Variants in RECK observed in about 807,000 individuals in gnomAD.
RECK encodes reversion inducing cysteine rich protein with kazal motifs.
RECK carries 69 observed loss-of-function variants against 115.1 expected under a neutral mutation model. The observed-to-expected ratio is 0.60, with a 90% CI of 0.49 to 0.73. RECK has a LOEUF of 0.73. RECK is among the 30% of genes least tolerant of loss of function. The probability of loss-of-function intolerance (pLI) is 0.00; values close to 1 mark genes in which losing one functional copy is unlikely to be tolerated. For synonymous variants in RECK, 414 were observed against 419.7 expected (o/e 0.99, Z 0.17); for missense variants, 1,047 against 1,203.7 (o/e 0.87, Z 1.93).
chr9:36,043,010 C>CTTTTTTTTTTTTT lies in RECK; in HGVS notation c.100+5930_100+5942dup, dbSNP rs61673918. On this transcript the variant is annotated intron_variant, in intron 1 of 20. Transcript: ENST00000377966. Reference sequence around the variant, plus strand: ...ACTGTCTATTCATGTCCTTAGCCCACTTTTTTTTTTTTTTTTTTTTTTTTT... The same window carrying CTTTTTTTTTTTTT: ...ACTGTCTATTCATGTCCTTAGCCCACTTTTTTTTTTTTTTTTTTTTTTTTTTTTTTTTTTTTTT... Among the ~76,000 whole-genome samples the CTTTTTTTTTTTTT allele has an allele frequency of 2.0e-4, 12 of 59,462 alleles. 3 individuals carry two copies. The highest frequency in any genetic ancestry group is 6.7e-4 in the East Asian group (1 of 1,482). 39.0% of individuals were successfully genotyped at this position (59,462 alleles called of 152,430 possible). A position where few individuals can be genotyped will look rare whatever the true frequency, so the allele number is the denominator to read the frequency against.
At chr9:36,104,308 A>G (rs1564130772) in intron 12 of RECK, among the ~76,000 whole-genome samples, 20 of 57,426 alleles carry the variant, frequency 3.5e-4, no homozygotes, top group South Asian at 6.6e-4. Flanking sequence ...ATATATATAT[A>G]TATATATATA....
At chr9:36,080,659 T>C (rs918545709) in intron 7 of RECK, 21 bp downstream of exon 7, 2 of 1,606,124 alleles carry the variant, frequency 1.2e-6, no homozygotes, top group Non-Finnish European at 1.7e-6. Context: ...TTGTCAATGG[T>C]TGTACAAACA....
chr9:36,086,977 C>T (rs1021682718), intron 8 of RECK, among the ~76,000 whole-genome samples: 4 of 152,056 alleles, frequency 2.6e-5, no homozygotes, highest in Admixed American at 1.3e-4. Flanking sequence ...GCTAAAGATC[C>T]CATGATTGGA....
rs370592502 is a variant in RECK at position 36,092,257 on chromosome 9, GC to G, written c.1085+915del. Among the ~76,000 whole-genome samples the G allele has an allele frequency of 2.6e-4, 40 of 152,242 alleles. No individual in the cohort carries two copies. In the East Asian group the frequency reaches 2.7e-3, roughly 10 times the overall value. On this transcript the variant is annotated intron_variant, in intron 10 of 20. Transcript: ENST00000377966. Reference sequence around the variant, plus strand: ...TCTGGCTTCTGGTAATTGTGGAGTAGCTTGTATGAGAATAACAGTCCTACCA... The same window carrying G: ...TCTGGCTTCTGGTAATTGTGGAGTAGTTGTATGAGAATAACAGTCCTACCA...
chr9:36,108,218 T>A, intron 14 of RECK, 54 bp downstream of exon 14: 2 of 1,319,742 alleles, frequency 1.5e-6, no homozygotes, highest in South Asian at 1.4e-5. Context: ...ATTTTTACTT[T>A]GTAGGAAGAA....
intron 1 of RECK, among the ~76,000 whole-genome samples, chr9:36,037,925 C>T (rs1302677491): frequency 6.8e-6 from 1 of 146,394 alleles, no homozygotes; most frequent in African/African-American, 2.5e-5. Context: ...CTGTACTAGA[C>T]ATTGAAAGAT....
intron 6 of RECK, chr9:36,066,640 A>C: frequency 2.7e-6 from 1 of 366,458 alleles, no homozygotes; most frequent in Non-Finnish European, 4.6e-6. Context: ...CAGAGAAGTA[A>C]AAGATCTTTA....
Position 36,105,127 on chromosome 9 carries a change from G to T in RECK, c.1436-16G>T, listed in dbSNP as rs764769318. On this transcript the variant is annotated splice_polypyrimidine_tract_variant and intron_variant, in intron 12 of 20. Coordinates refer to ENST00000377966, the MANE Select transcript of RECK (RefSeq NM_021111.3). ...TCTTTTAGGTTGGTTAAACTAATCT[G>T]TTTTGGTTTTTTCAGGGCCAAGTAC... is the stretch of plus-strand genomic sequence containing the variant. 2.5e-6 allele frequency: 4 copies of T among 1,611,608 alleles called. No individual in the cohort carries two copies. The highest frequency in any genetic ancestry group is 3.4e-6 in the Non-Finnish European group (4 of 1,178,220).
chr9:36,058,995 T>G (rs1821652096), intron 3 of RECK, 94 bp downstream of exon 3: 1 of 728,246 alleles, frequency 1.4e-6, no homozygotes, highest in Non-Finnish European at 2.1e-6. Flanking sequence ...TAAATGTGAT[T>G]GGAATTTGTG....
chr9:36,061,629 T>C (rs1254145283), intron 4 of RECK, among the ~76,000 whole-genome samples: 2 of 152,174 alleles, frequency 1.3e-5, no homozygotes, highest in Non-Finnish European at 2.9e-5. Flanking sequence ...GCATACTTCA[T>C]TATGATATAA....
At chr9:36,047,908 T>C (rs1202249487) in intron 1 of RECK, among the ~76,000 whole-genome samples, 1 of 151,822 alleles carries the variant, frequency 6.6e-6, no homozygotes, top group African/African-American at 2.4e-5. Context: ...CGTTGTTTTA[T>C]GGAAAAGTGA....
At chr9:36,037,703 A>G (rs1820721046) in intron 1 of RECK, among the ~76,000 whole-genome samples, 1 of 151,892 alleles carries the variant, frequency 6.6e-6, no homozygotes, top group Admixed American at 6.6e-5. Context: ...TTAAGTGCTT[A>G]TTGATTGCTT....
rs1325587951 is a variant in RECK at position 36,087,883 on chromosome 9, C to G, written c.827C>G (p.Thr276Ser). 6.2e-7 allele frequency: 1 copy of G among 1,613,628 alleles called. No individual in the cohort carries two copies. Among genetic ancestry groups the G allele is most frequent in the South Asian group, 1.1e-5 (1 of 91,068 alleles). ...TCACAATCTGTTCACCCTGGAGTCACTGTACACCCTCCTCCCTCTACAGGC... is the reference window on the plus strand; with the variant it reads ...TCACAATCTGTTCACCCTGGAGTCAGTGTACACCCTCCTCCCTCTACAGGC... ...ESSQSVHPGV[T>S]VHPPPSTGLD... The change falls in exon 9 of 21, where the codon ACT (threonine) becomes AGT (serine). Residue 276 changes from threonine (T) to serine (S), a missense_variant. Coordinates refer to ENST00000377966, the MANE Select transcript of RECK (RefSeq NM_021111.3).
chr9:36,053,062 A>G (rs546252007), intron 2 of RECK, among the ~76,000 whole-genome samples: 258 of 152,342 alleles, frequency 1.7e-3, no homozygotes, highest in Non-Finnish European at 2.9e-3. Context: ...AGTCCTTCAA[A>G]ATAATAGTAT....
intron 16 of RECK, among the ~76,000 whole-genome samples, chr9:36,116,195 A>T (rs1390402762): frequency 1.4e-5 from 2 of 144,864 alleles, no homozygotes; most frequent in Non-Finnish European, 3.0e-5. Flanking sequence ...ATGGCGCGAT[A>T]TCAGCTCACC....
At chr9:36,088,748 G>T (rs1823055083) in intron 9 of RECK, among the ~76,000 whole-genome samples, 1 of 152,264 alleles carries the variant, frequency 6.6e-6, no homozygotes, top group African/African-American at 2.4e-5. Flanking sequence ...GTCGGGCGCG[G>T]TGGCTCATGC....
At chr9:36,056,504 C>T (rs1338286782) in intron 2 of RECK, among the ~76,000 whole-genome samples, 1 of 152,084 alleles carries the variant, frequency 6.6e-6, no homozygotes, top group Non-Finnish European at 1.5e-5. Context: ...TTCACATCCC[C>T]CTGGTGTCGT....
intron 2 of RECK, among the ~76,000 whole-genome samples, chr9:36,054,771 T>A (rs904612347): frequency 2.6e-5 from 4 of 152,308 alleles, no homozygotes; most frequent in Middle Eastern, 6.8e-3. Context: ...TTTGTATATG[T>A]CTTACCTGTA....
At chr9:36,076,913 T>C (rs1822472893) in intron 6 of RECK, among the ~76,000 whole-genome samples, 1 of 152,160 alleles carries the variant, frequency 6.6e-6, no homozygotes, top group Non-Finnish European at 1.5e-5. Flanking sequence ...TGCAGTGTCA[T>C]GGAAGAGCAC....
Sources: allele counts gnomAD v4.1 joint callset (sites outside exome capture counted in the v4.1 genomes callset), GRCh38; gene constraint gnomAD v4.1.1; transcripts MANE v1.5; gene names NCBI Gene and HGNC (gene_info 2026-07-23, HGNC 2026-07-21).